The following EPHA5 variants were observed in gnomAD, a reference collection of about 807,000 sequenced individuals.
The protein encoded by EPHA5 is ephrin type-A receptor 5.
In EPHA5, 60 loss-of-function variants were observed where a neutral mutation model predicts 105.0. That is an observed-to-expected ratio of 0.57 (90% confidence interval 0.46 to 0.71). The LOEUF is 0.71. EPHA5 is among the 30% of genes least tolerant of loss of function. EPHA5 has a pLI of 0.00. For synonymous variants in EPHA5, 513 were observed against 449.1 expected (o/e 1.14, Z -1.80); for missense variants, 1,218 against 1,274.7 (o/e 0.96, Z 0.68).
At chr4:65,640,891 A>G (rs574171124) in intron 2 of EPHA5, among the ~76,000 whole-genome samples, 1 of 152,264 alleles carries the variant, frequency 6.6e-6, no homozygotes, top group South Asian at 2.1e-4. Context: ...TTTTAAAATC[A>G]ATGTGGACAT....
At chr4:65,526,585 C>T (rs1252431911) in intron 3 of EPHA5, among the ~76,000 whole-genome samples, 2 of 151,834 alleles carry the variant, frequency 1.3e-5, no homozygotes, top group Non-Finnish European at 2.9e-5. Context: ...AAGTTAATGG[C>T]CAAGCAATTT....
At chr4:65,520,787 C>T (rs980082184) in intron 3 of EPHA5, among the ~76,000 whole-genome samples, 2 of 152,158 alleles carry the variant, frequency 1.3e-5, no homozygotes, top group African/African-American at 2.4e-5. Context: ...CTCATCATCA[C>T]TGGCCATCAG....
At position 65,467,632 on chromosome 4, in the gene EPHA5, T is replaced by G. The variant is rs1429155630; in HGVS notation, c.1402+22745A>C. ...GCTGATCTTCAGATGCCTAAGAGAG[T>G]CTAGATCACTTCCACAGAGCCATTG... On this transcript the variant is annotated intron_variant, in intron 5 of 16. Transcript: ENST00000613740. Among the ~76,000 whole-genome samples the G allele has an allele frequency of 4.6e-5, 7 of 152,002 alleles. 1 individual carries two copies. The East Asian group carries it at 9.7e-4, about 21-fold the overall frequency.
chr4:65,385,262 A>G (rs989602582), intron 8 of EPHA5, among the ~76,000 whole-genome samples: 4 of 152,026 alleles, frequency 2.6e-5, no homozygotes, highest in African/African-American at 9.6e-5. Flanking sequence ...AAATATGTAC[A>G]TTGTTTAGCT....
chr4:65,627,122 C>A (rs1746226564), intron 2 of EPHA5, among the ~76,000 whole-genome samples: 1 of 152,202 alleles, frequency 6.6e-6, no homozygotes, highest in Admixed American at 6.5e-5. Context: ...AATTCTTAGG[C>A]AGTTCTCCAT....
At chr4:65,405,055 C>G (rs1157101550) in intron 7 of EPHA5, among the ~76,000 whole-genome samples, 1 of 151,986 alleles carries the variant, frequency 6.6e-6, no homozygotes, top group Non-Finnish European at 1.5e-5. Flanking sequence ...AATAAATTCA[C>G]TTTTTGAAAA....
intron 3 of EPHA5, among the ~76,000 whole-genome samples, chr4:65,564,652 T>C (rs1213286858): frequency 6.6e-6 from 1 of 151,758 alleles, no homozygotes; most frequent in Admixed American, 6.6e-5. Flanking sequence ...CACAGTAGAG[T>C]GGCTTATGTT....
intron 2 of EPHA5, among the ~76,000 whole-genome samples, chr4:65,640,646 C>G (rs57556808): frequency 6.6e-6 from 1 of 152,160 alleles, no homozygotes; most frequent in African/African-American, 2.4e-5. Context: ...TTTTGTTAAT[C>G]TCAAACCAGT....
rs1470039530 is a variant in EPHA5, at chr4:65,616,903, A to T, written c.247-14599T>A. On this transcript the variant is annotated intron_variant, in intron 2 of 16. Coordinates refer to ENST00000613740, the MANE Select transcript of EPHA5 (RefSeq NM_001281766.3). ...CAATGAAGCTCTTCCTGGTTTATCT[A>T]TTTGCAAGATATTAAGTTGAAATCT... Among the ~76,000 whole-genome samples, 5 of 152,178 alleles carry T rather than the reference A, an allele frequency of 3.3e-5. No homozygotes were observed. The East Asian group carries it at 9.7e-4, about 29-fold the overall frequency.
chr4:65,383,626 C>G (rs1719793812), intron 8 of EPHA5, among the ~76,000 whole-genome samples: 2 of 151,872 alleles, frequency 1.3e-5, no homozygotes, highest in African/African-American at 4.8e-5. Context: ...TGAGCTCACT[C>G]TAGAGCGCAT....
intron 3 of EPHA5, among the ~76,000 whole-genome samples, chr4:65,513,785 C>T (rs1733851901): frequency 6.6e-6 from 1 of 152,090 alleles, no homozygotes; most frequent in East Asian, 1.9e-4. Context: ...TTTAAAAAAA[C>T]GTCAATACTT....
chr4:65,455,583 T>C (rs1207328554), intron 5 of EPHA5, among the ~76,000 whole-genome samples: 3 of 152,222 alleles, frequency 2.0e-5, no homozygotes, highest in Non-Finnish European at 2.9e-5. Flanking sequence ...CATAAAATCA[T>C]TGATACATGC....
chr4:65,394,588 G>C (rs1431874099), intron 8 of EPHA5, among the ~76,000 whole-genome samples: 1 of 152,182 alleles, frequency 6.6e-6, no homozygotes, highest in South Asian at 2.1e-4. Context: ...ACAAGATTGA[G>C]CAAAGATTTG....
At chr4:65,570,886 G>A (rs576430890) in intron 3 of EPHA5, among the ~76,000 whole-genome samples, 3 of 151,924 alleles carry the variant, frequency 2.0e-5, no homozygotes, top group African/African-American at 7.2e-5. Flanking sequence ...ATATTTGGAA[G>A]ATAGCAATGG....
In EPHA5 at chr4:65,462,120, G is replaced by T. The variant is rs1452524566; in HGVS notation, c.1402+28257C>A. ...TGTAGTCTTTTACATTTTAGGAATCGTCTGTGTTGATTTCCGAATTATCAT... is the reference window on the plus strand; with the variant it reads ...TGTAGTCTTTTACATTTTAGGAATCTTCTGTGTTGATTTCCGAATTATCAT... On this transcript the variant is annotated intron_variant, in intron 5 of 16. Coordinates refer to ENST00000613740, the MANE Select transcript of EPHA5 (RefSeq NM_001281766.3). 2.0e-5 allele frequency among the ~76,000 whole-genome samples: 3 copies of T among 151,950 alleles called. No homozygotes were observed. In the East Asian group the frequency reaches 5.8e-4, roughly 29 times the overall value.
chr4:65,661,981 A>G (rs1749595701), intron 1 of EPHA5, among the ~76,000 whole-genome samples: 1 of 152,148 alleles, frequency 6.6e-6, no homozygotes, highest in African/African-American at 2.4e-5. Context: ...TTACAAGAAG[A>G]CTATATATTA....
chr4:65,627,886 A>G (rs1457642624), intron 2 of EPHA5, among the ~76,000 whole-genome samples: 3 of 152,146 alleles, frequency 2.0e-5, no homozygotes, highest in Non-Finnish European at 4.4e-5. Flanking sequence ...CATATTTCAA[A>G]TCAGTCAAAA....
chr4:65,529,036 TA>T (rs960313566), intron 3 of EPHA5, among the ~76,000 whole-genome samples: 21 of 152,274 alleles, frequency 1.4e-4, no homozygotes, highest in African/African-American at 4.3e-4. Flanking sequence ...TTAGAGTGTT[TA>T]AAAACTATGT....
chr4:65,446,975 ATTT>A (rs397993760), intron 5 of EPHA5, among the ~76,000 whole-genome samples: 3 of 112,908 alleles, frequency 2.7e-5, no homozygotes, highest in African/African-American at 6.8e-5. Context: ...TTAAAAGCTC[ATTT>A]TTTTTTTTTT....
Sources: gnomAD v4.1 joint callset for allele counts (sites outside exome capture counted in the v4.1 genomes callset) on GRCh38, gnomAD v4.1.1 for gene constraint, MANE v1.5 for transcripts, NCBI Gene and HGNC (gene_info 2026-07-23, HGNC 2026-07-21) for gene names.